The following GSTZ1 variants were observed in gnomAD, a reference collection of about 807,000 sequenced individuals.
GSTZ1 encodes the protein maleylacetoacetate isomerase.
A neutral mutation model predicts 35.9 loss-of-function variants in GSTZ1; 34 were observed. The observed-to-expected ratio is 0.95, with a 90% CI of 0.72 to 1.26. GSTZ1 has a LOEUF of 1.26. Among genes scored for constraint, GSTZ1 ranks in the 50% most tolerant of loss-of-function variants. The pLI, the probability that GSTZ1 is intolerant of heterozygous loss-of-function variation, is 0.00. For missense variants in GSTZ1, 263 were observed against 271.7 expected (o/e 0.97, Z 0.23); for synonymous variants, 93 against 101.2 (o/e 0.92, Z 0.49).
intron 8 of GSTZ1, 82 bp from the exon 9 acceptor site, chr14:77,330,987 C>T (rs1442718040): frequency 3.9e-5 from 54 of 1,395,426 alleles, no homozygotes; most frequent in Non-Finnish European, 5.1e-5. Context: ...TCCAGCCCTG[C>T]CTCTCTGCTC....
chr14:77,327,429 C>T (rs1892377376), intron 3 of GSTZ1, 43 bp from the exon 4 acceptor site: 2 of 1,331,372 alleles, frequency 1.5e-6, no homozygotes, highest in Non-Finnish European at 2.1e-6. Context: ...CTCTGGCCAA[C>T]TCAGGCCAGG....
chr14:77,322,255 C>A lies in GSTZ1; in HGVS notation c.15+1072C>A, dbSNP rs184767842. Among the ~76,000 whole-genome samples the A allele has an allele frequency of 7.0e-4, 107 of 152,298 alleles. 3 individuals are homozygous for A. The highest frequency in any genetic ancestry group is 2.0e-3 in the African/African-American group (85 of 41,564). ...TCAGAATGCATATTTGAATTGGAAA[C>A]ACAGGTCTTCTAGGAGTGCTGATGA... On this transcript the variant is annotated intron_variant, in intron 1 of 8. Transcript: ENST00000216465.
intron 4 of GSTZ1, 108 bp downstream of exon 4, chr14:77,327,660 G>A: frequency 1.2e-6 from 1 of 823,040 alleles, no homozygotes; most frequent in South Asian, 1.4e-5. Flanking sequence ...GCACATAGGA[G>A]AGGCTCAATA....
chr14:77,329,940 A>C, intron 7 of GSTZ1, 133 bp downstream of exon 7: 2 of 721,490 alleles, frequency 2.8e-6, no homozygotes, highest in Non-Finnish European at 5.0e-6. Context: ...TCCTCAGCTC[A>C]CTCCCACTAA....
chr14:77,330,470 C>A, intron 8 of GSTZ1, 111 bp downstream of exon 8: 1 of 881,934 alleles, frequency 1.1e-6, no homozygotes, highest in Non-Finnish European at 1.9e-6. Context: ...AGCCAAGGAG[C>A]CCACCATGCC....
At chr14:77,324,954 G>T in intron 2 of GSTZ1, 33 bp downstream of exon 2, 1 of 1,574,690 alleles carries the variant, frequency 6.4e-7, no homozygotes, top group Non-Finnish European at 8.7e-7. Context: ...GATGAGTGCT[G>T]GAGTGGGGTG....
chr14:77,330,403 ACAGT>A (rs1259224298), intron 8 of GSTZ1, 44 bp downstream of exon 8: 1 of 1,487,166 alleles, frequency 6.7e-7, no homozygotes, highest in South Asian at 1.1e-5. Context: ...GGCTCTGCCC[ACAGT>A]CAGGCCCCAC....
chr14:77,328,375 G>A, intron 5 of GSTZ1: 1 of 316,196 alleles, frequency 3.2e-6, no homozygotes, highest in South Asian at 4.2e-5. Flanking sequence ...TTTCATCTGT[G>A]CTATCTCAGT....
At chr14:77,329,620 A>G (rs1892509504) in intron 6 of GSTZ1, 135 bp from the exon 7 acceptor site, 5 of 728,706 alleles carry the variant, frequency 6.9e-6, no homozygotes, top group Non-Finnish European at 1.2e-5. Context: ...CCTGGCTGCC[A>G]CATTCTCACC....
rs1394202629 is a variant in GSTZ1, at chr14:77,331,190, G to A, written c.646G>A (p.Ala216Thr). Reference sequence around the variant, plus strand: ...GCCAGATACACCCACTGAGCTGAGGGCCTAGCTCCCAAATCCTGCCCCGTT... The same window carrying A: ...GCCAGATACACCCACTGAGCTGAGGACCTAGCTCCCAAATCCTGCCCCGTT... The part of the protein sequence containing the change: ...RQPDTPTELR[A>T] Residue 216 changes from alanine (A) to threonine (T), a missense_variant, in exon 9 of 9, where the codon GCC becomes ACC. Transcript: ENST00000216465. 3 of 1,612,842 alleles carry A rather than the reference G, an allele frequency of 1.9e-6. No homozygotes were observed. Among genetic ancestry groups the A allele is most frequent in the Non-Finnish European group, 2.5e-6 (3 of 1,179,250 alleles).
intron 4 of GSTZ1, 55 bp downstream of exon 4, chr14:77,327,607 C>A: frequency 1.7e-6 from 2 of 1,148,870 alleles, no homozygotes; most frequent in Non-Finnish European, 2.6e-6. Context: ...TGAATGAGAG[C>A]GCCTGACATC....
At chr14:77,321,501 C>A in intron 1 of GSTZ1, 1 of 1,393,960 alleles carries the variant, frequency 7.2e-7, no homozygotes, top group Non-Finnish European at 9.4e-7. Flanking sequence ...GGCTTCCAAA[C>A]GTCGCCCCAA....
At chr14:77,321,789 A>T (rs1892009092) in intron 1 of GSTZ1, among the ~76,000 whole-genome samples, 1 of 151,662 alleles carries the variant, frequency 6.6e-6, no homozygotes, top group African/African-American at 2.4e-5. Context: ...AGGCTGAGGC[A>T]GGAGAATAGC....
Position 77,321,044 on chromosome 14 carries a change from G to C in GSTZ1, c.-125G>C. The C allele has an allele frequency of 9.3e-7, 1 of 1,072,744 alleles. No homozygotes were observed. Among genetic ancestry groups the C allele is most frequent in the Non-Finnish European group, 1.3e-6 (1 of 767,008 alleles). 66.5% of individuals were successfully genotyped at this position (1,072,744 alleles called of 1,614,324 possible). A position where few individuals can be genotyped will look rare whatever the true frequency, so the allele number is the denominator to read the frequency against. Reference sequence around the variant, plus strand: ...CGACCGGAAGGATCTTTCTAGTCCAGCCCCTCGCTTTACCCGGACGAAAGA... The same window carrying C: ...CGACCGGAAGGATCTTTCTAGTCCACCCCCTCGCTTTACCCGGACGAAAGA... On this transcript the variant is annotated 5_prime_UTR_variant, in exon 1 of 9. Transcript: ENST00000216465.
chr14:77,330,411 G>T (rs1342125976), intron 8 of GSTZ1, 52 bp downstream of exon 8: 1 of 1,409,522 alleles, frequency 7.1e-7, no homozygotes, highest in African/African-American at 1.4e-5. Flanking sequence ...CCACAGTCAG[G>T]CCCCACTCAG....
rs1037395309 is a variant in GSTZ1 at position 77,321,499 on chromosome 14, A to G, written c.15+316A>G. On this transcript the variant is annotated intron_variant, in intron 1 of 8. Coordinates refer to ENST00000216465, the MANE Select transcript of GSTZ1 (RefSeq NM_145870.3). ...ACCCCTCCCTCCACTAAGGCTTCCA[A>G]ACGTCGCCCCAAGCCTCCCAATTTC... 70 of 1,402,070 alleles carry G rather than the reference A, an allele frequency of 5.0e-5. No homozygotes were observed. In the East Asian group the frequency reaches 5.2e-4, roughly 10 times the overall value. The allele number at this position is 1,402,070 out of a possible 1,614,324, so 86.9% of individuals were successfully genotyped here. A position where few individuals can be genotyped will look rare whatever the true frequency, so the allele number is the denominator to read the frequency against.
intron 2 of GSTZ1, 45 bp downstream of exon 2, chr14:77,324,966 A>G: frequency 6.5e-7 from 1 of 1,528,910 alleles, no homozygotes; most frequent in Non-Finnish European, 9.1e-7. Flanking sequence ...AGTGGGGTGG[A>G]CTGGGGCGGA....
In GSTZ1 at chr14:77,329,187, C is replaced by G; in HGVS notation, c.407C>G (p.Thr136Ser). ...MQLTWAQNAI[T>S]CGFNALEQIL... ...CTGACCTGGGCCCAGAACGCCATCACTTGTGGCTTTAACGGTGAGTCCTCA... is the reference window on the plus strand; with the variant it reads ...CTGACCTGGGCCCAGAACGCCATCAGTTGTGGCTTTAACGGTGAGTCCTCA... The change falls in exon 6 of 9, where the codon ACT becomes AGT. Residue 136 changes from threonine (T) to serine (S), a missense_variant. Physicochemically the swap from Thr to Ser is moderately conservative, Grantham distance 58. Coordinates refer to ENST00000216465, the MANE Select transcript of GSTZ1 (RefSeq NM_145870.3). 1 of 1,609,144 alleles carries G rather than the reference C, an allele frequency of 6.2e-7. No individual in the cohort carries two copies. Among genetic ancestry groups the G allele is most frequent in the Non-Finnish European group, 8.5e-7 (1 of 1,175,336 alleles).
At chr14:77,327,674 G>A (rs1399685838) in intron 4 of GSTZ1, 122 bp downstream of exon 4, 1 of 775,358 alleles carries the variant, frequency 1.3e-6, no homozygotes, top group Non-Finnish European at 2.2e-6. Context: ...CTCAATACAA[G>A]ACTCGTGGGG....
Sources: allele counts gnomAD v4.1 joint callset (sites outside exome capture counted in the v4.1 genomes callset), GRCh38; gene constraint gnomAD v4.1.1; transcripts MANE v1.5; gene names NCBI Gene and HGNC (gene_info 2026-07-23, HGNC 2026-07-21).